Variants in CMTM8 observed in about 807,000 individuals in gnomAD.
The protein encoded by CMTM8 is CKLF like MARVEL transmembrane domain containing 8, also known as CKLF-like MARVEL transmembrane domain-containing protein 8.
Under a neutral mutation model 18.6 loss-of-function variants are expected in CMTM8, and 12 were observed. The observed-to-expected ratio is 0.65, with a 90% CI of 0.41 to 1.05. The LOEUF (loss-of-function observed/expected upper bound fraction) is 1.05, where lower values mean the gene tolerates loss of function less well. Among genes scored for constraint, CMTM8 ranks in the 50% least tolerant of loss-of-function variants. The pLI, the probability that CMTM8 is intolerant of heterozygous loss-of-function variation, is 0.00. For missense variants in CMTM8, 217 were observed against 227.2 expected (o/e 0.95, Z 0.29); for synonymous variants, 87 against 90.6 (o/e 0.96, Z 0.23).
intron 1 of CMTM8, among the ~76,000 whole-genome samples, chr3:32,288,656 A>G (rs1478542552): frequency 6.6e-6 from 1 of 151,860 alleles, no homozygotes; most frequent in Non-Finnish European, 1.5e-5. Context: ...GCCCACCACC[A>G]CGCCCAGCTA....
chr3:32,244,294 G>A (rs4524313), intron 1 of CMTM8, among the ~76,000 whole-genome samples: 36,328 of 152,034 alleles, frequency 0.24, 5,033 homozygotes, highest in East Asian at 0.56. Flanking sequence ...GGCTCGAACA[G>A]TCCTCCCGCC....
intron 1 of CMTM8, among the ~76,000 whole-genome samples, chr3:32,268,835 A>G (rs1279242553): frequency 6.6e-6 from 1 of 152,194 alleles, no homozygotes; most frequent in Non-Finnish European, 1.5e-5. Flanking sequence ...AAAACATGCA[A>G]AGCTCTGATC....
intron 1 of CMTM8, among the ~76,000 whole-genome samples, chr3:32,301,313 A>G (rs1207635412): frequency 6.6e-6 from 1 of 152,114 alleles, no homozygotes; most frequent in Non-Finnish European, 1.5e-5. Flanking sequence ...TAGCATATGC[A>G]TACTCTATAT....
chr3:32,324,285 C>G (rs1207768378), intron 1 of CMTM8, among the ~76,000 whole-genome samples: 1 of 152,022 alleles, frequency 6.6e-6, no homozygotes, highest in African/African-American at 2.4e-5. Context: ...AAACTTTTTC[C>G]AGTCTGGTAG....
At chr3:32,364,044 G>A (rs141080222) in intron 2 of CMTM8, among the ~76,000 whole-genome samples, 123 of 152,276 alleles carry the variant, frequency 8.1e-4, no homozygotes, top group Middle Eastern at 3.4e-3. Context: ...AAGGCAAGCC[G>A]CAGGTGAAGC....
intron 1 of CMTM8, among the ~76,000 whole-genome samples, chr3:32,310,249 C>T (rs1695795210): frequency 6.6e-6 from 1 of 151,966 alleles, no homozygotes; most frequent in Non-Finnish European, 1.5e-5. Flanking sequence ...GGAGATGGCT[C>T]TCCAAAGGAA....
chr3:32,310,322 T>G (rs1420072807), intron 1 of CMTM8, among the ~76,000 whole-genome samples: 1 of 152,210 alleles, frequency 6.6e-6, no homozygotes, highest in African/African-American at 2.4e-5. Flanking sequence ...ACTGTCAGGC[T>G]TCAGCTTAAA....
At chr3:32,357,236 C>A in intron 1 of CMTM8, 137 bp from the exon 2 acceptor site, 1 of 779,398 alleles carries the variant, frequency 1.3e-6, no homozygotes, top group Non-Finnish European at 2.0e-6. Flanking sequence ...GGGAGCGAGA[C>A]TCCATCTCAA....
At chr3:32,257,457 A>G (rs1702189360) in intron 1 of CMTM8, among the ~76,000 whole-genome samples, 1 of 152,196 alleles carries the variant, frequency 6.6e-6, no homozygotes, top group African/African-American at 2.4e-5. Flanking sequence ...AATATCTCCT[A>G]ATTTTTCTTT....
intron 1 of CMTM8, among the ~76,000 whole-genome samples, chr3:32,357,164 A>G (rs1346710291): frequency 2.0e-5 from 3 of 152,194 alleles, no homozygotes; most frequent in Non-Finnish European, 4.4e-5. Context: ...GAATCCCTTG[A>G]ACCCGGGAGG....
At chr3:32,241,017 G>A (rs958589741) in intron 1 of CMTM8, among the ~76,000 whole-genome samples, 1 of 152,078 alleles carries the variant, frequency 6.6e-6, no homozygotes, top group African/African-American at 2.4e-5. Context: ...GAAACTCCTA[G>A]GCTCAAGCAA....
intron 2 of CMTM8, among the ~76,000 whole-genome samples, chr3:32,362,019 C>T (rs1422179347): frequency 4.0e-5 from 6 of 148,594 alleles, no homozygotes; most frequent in South Asian, 2.2e-4. Context: ...CTCCTTTTAC[C>T]GGTTAAAGCA....
chr3:32,266,072 G>A (rs1182090846), intron 1 of CMTM8, among the ~76,000 whole-genome samples: 1 of 151,412 alleles, frequency 6.6e-6, no homozygotes. Flanking sequence ...CCAATCAATA[G>A]AAAAAGAGGG....
chr3:32,367,984 C>T lies in CMTM8; in HGVS notation c.434C>T (p.Ser145Leu). The T allele has an allele frequency of 6.2e-7, 1 of 1,602,256 alleles. No individual in the cohort carries two copies. Among genetic ancestry groups the T allele is most frequent in the Non-Finnish European group, 8.6e-7 (1 of 1,169,104 alleles). The change falls in exon 3 of 4, where the codon TCA becomes TTA. Residue 145 changes from serine to leucine, a missense_variant. Ser to Leu is a moderately radical substitution (Grantham distance 145). Transcript: ENST00000307526. ...CACAACTTCAACAGCTGGGCGGCCTCATCGGTGAGTAGCCCTCCATCCCCA... is the reference window on the plus strand; with the variant it reads ...CACAACTTCAACAGCTGGGCGGCCTTATCGGTGAGTAGCCCTCCATCCCCA... ...DSHNFNSWAA[S>L]SFFAFLVTIC...
intron 1 of CMTM8, among the ~76,000 whole-genome samples, chr3:32,294,418 C>T (rs1256603561): frequency 2.0e-5 from 3 of 152,328 alleles, no homozygotes; most frequent in South Asian, 4.1e-4. Context: ...TCCTTCTCCA[C>T]GTTCCCTCTG....
intron 1 of CMTM8, among the ~76,000 whole-genome samples, chr3:32,336,281 G>A (rs1696385593): frequency 6.6e-6 from 1 of 152,172 alleles, no homozygotes; most frequent in African/African-American, 2.4e-5. Flanking sequence ...AAGTAAAGCC[G>A]GTTCTCAGGC....
intron 2 of CMTM8, among the ~76,000 whole-genome samples, chr3:32,364,612 G>A (rs923633632): frequency 2.0e-5 from 3 of 152,228 alleles, no homozygotes; most frequent in Non-Finnish European, 4.4e-5. Flanking sequence ...AGAGAGGCAG[G>A]TGAAGCTCCA....
chr3:32,311,421 C>T (rs887383319), intron 1 of CMTM8, among the ~76,000 whole-genome samples: 4 of 152,170 alleles, frequency 2.6e-5, no homozygotes, highest in East Asian at 3.9e-4. Flanking sequence ...GGCAGGACTT[C>T]GCTCCTTCTG....
intron 1 of CMTM8, among the ~76,000 whole-genome samples, chr3:32,288,780 G>T (rs749189067): frequency 1.3e-5 from 2 of 152,192 alleles, no homozygotes; most frequent in Non-Finnish European, 2.9e-5. Context: ...GATTACAGGC[G>T]TGAGCCACTA....
Sources: gnomAD v4.1 joint callset for allele counts (sites outside exome capture counted in the v4.1 genomes callset) on GRCh38, gnomAD v4.1.1 for gene constraint, MANE v1.5 for transcripts, NCBI Gene and HGNC (gene_info 2026-07-23, HGNC 2026-07-21) for gene names.